PRKAR1B: variants seen among roughly 807,000 people sequenced by gnomAD.
PRKAR1B encodes protein kinase cAMP-dependent type I regulatory subunit beta.
In PRKAR1B, 22 loss-of-function variants were observed where a neutral mutation model predicts 46.5. The observed-to-expected ratio is 0.47, with a 90% CI of 0.34 to 0.68. The LOEUF is 0.68. Among genes scored for constraint, PRKAR1B ranks in the 30% least tolerant of loss-of-function variants. The probability of loss-of-function intolerance (pLI) is 0.01; values close to 1 mark genes in which losing one functional copy is unlikely to be tolerated. For missense variants in PRKAR1B, 445 were observed against 535.6 expected, an observed-to-expected ratio of 0.83 and a Z score of 1.67; for synonymous variants, 259 against 217.7, an observed-to-expected ratio of 1.19 and a Z score of -1.67.
intron 4 of PRKAR1B, among the ~76,000 whole-genome samples, chr7:628,504 G>C (rs1366504562): frequency 1.3e-5 from 2 of 152,254 alleles, no homozygotes; most frequent in Non-Finnish European, 2.9e-5. Flanking sequence ...CATCAAACCG[G>C]GTTGCCGGGC....
chr7:608,800 T>G (rs1313323347), intron 4 of PRKAR1B, among the ~76,000 whole-genome samples: 8 of 59,292 alleles, frequency 1.3e-4, no homozygotes, highest in Admixed American at 2.9e-4. Context: ...GGGGTCAGTG[T>G]GTGGCAGGGC....
Position 727,246 on chromosome 7 carries a change from C to T in PRKAR1B, c.-59G>A, listed in dbSNP as rs1376001457. 79 of 1,348,654 alleles carry T rather than the reference C, an allele frequency of 5.9e-5. No individual in the cohort carries two copies. Among genetic ancestry groups the T allele is most frequent in the Non-Finnish European group, 7.5e-5 (79 of 1,053,252 alleles). The allele number at this position is 1,348,654 out of a possible 1,614,324, so 83.5% of individuals were successfully genotyped here. ...TCTGCGCGCGCTGCGCTGCTCCCTG[C>T]TCGACCCCTTCGCCGCCGTGCGCCG... On this transcript the variant is annotated 5_prime_UTR_variant, in exon 1 of 11. Coordinates refer to ENST00000537384, the MANE Select transcript of PRKAR1B (RefSeq NM_001164760.2).
At chr7:561,789 AGCTTCCGTGGGAAACAAGCCGTTCCCGC>A (rs1562520001) in intron 9 of PRKAR1B, among the ~76,000 whole-genome samples, 1 of 152,246 alleles carries the variant, frequency 6.6e-6, no homozygotes, top group East Asian at 1.9e-4. Context: ...ACGGCCCAGC[AGCTTCCGTGGGAAACAAGCCGTTCCCGC>A]GGACGTCGGC....
chr7:615,379 C>G (rs1049530056), intron 4 of PRKAR1B, among the ~76,000 whole-genome samples: 2 of 147,496 alleles, frequency 1.4e-5, no homozygotes, highest in Non-Finnish European at 3.0e-5. Flanking sequence ...GAGCGGAGAT[C>G]GCGCCACTGC....
At chr7:659,453 A>T (rs1013005623) in intron 4 of PRKAR1B, among the ~76,000 whole-genome samples, 5 of 152,088 alleles carry the variant, frequency 3.3e-5, no homozygotes, top group African/African-American at 1.2e-4. Context: ...CGAAAGGGGG[A>T]GAGGAGGGCA....
chr7:640,994 C>A (rs1361855870), intron 4 of PRKAR1B, among the ~76,000 whole-genome samples: 1 of 152,032 alleles, frequency 6.6e-6, no homozygotes. Context: ...CACTCTGTCG[C>A]CCAGGCTGGA....
chr7:672,798 C>T (rs996344824), intron 4 of PRKAR1B, among the ~76,000 whole-genome samples: 2 of 151,848 alleles, frequency 1.3e-5, no homozygotes, highest in Non-Finnish European at 1.5e-5. Flanking sequence ...AACCCGGAGG[C>T]GGACATTGCA....
chr7:656,569 T>A (rs1322059924), intron 4 of PRKAR1B, among the ~76,000 whole-genome samples: 1 of 150,680 alleles, frequency 6.6e-6, no homozygotes, highest in Non-Finnish European at 1.5e-5. Context: ...GATGGATGGA[T>A]GGATGGATGA....
intron 9 of PRKAR1B, 118 bp downstream of exon 9, chr7:579,138 G>A (rs1189926303): frequency 1.3e-6 from 2 of 1,584,870 alleles, no homozygotes; most frequent in African/African-American, 2.7e-5. Context: ...CGGGCGTGCG[G>A]TCACAGGGCA....
chr7:727,969 C>T (rs1005237029), upstream of PRKAR1B, among the ~76,000 whole-genome samples: 1 of 151,690 alleles, frequency 6.6e-6, no homozygotes, highest in Admixed American at 6.6e-5. Context: ...GGACTTGCAC[C>T]TGGTTGAGGG....
At chr7:703,572 C>T (rs1780168964) in intron 2 of PRKAR1B, among the ~76,000 whole-genome samples, 7 of 151,466 alleles carry the variant, frequency 4.6e-5, no homozygotes, top group Admixed American at 3.3e-4. Flanking sequence ...AGGAGAATGG[C>T]ACGAACCCGG....
intron 9 of PRKAR1B, among the ~76,000 whole-genome samples, chr7:576,400 T>C (rs1779836093): frequency 6.6e-6 from 1 of 152,196 alleles, no homozygotes; most frequent in Non-Finnish European, 1.5e-5. Flanking sequence ...GAACGAGTCC[T>C]CTACTCTACC....
At chr7:727,431 C>T (rs866990454), upstream of PRKAR1B, 8,812 of 429,172 alleles carry the variant, frequency 0.021, 167 homozygotes, top group Non-Finnish European at 0.026. Context: ...CACGCCCGCA[C>T]CCCCCAACAT....
intron 8 of PRKAR1B, among the ~76,000 whole-genome samples, chr7:580,276 G>C (rs984609680): frequency 6.6e-6 from 1 of 151,460 alleles, no homozygotes; most frequent in Admixed American, 6.6e-5. Flanking sequence ...AAAACTGGCC[G>C]GGTGCAGTGG....
Position 711,547 on chromosome 7 carries a change from A to C in PRKAR1B, c.-22-20T>G. On this transcript the variant is annotated intron_variant, in intron 1 of 10. Coordinates refer to ENST00000537384, the MANE Select transcript of PRKAR1B (RefSeq NM_001164760.2). ...TCCTTCCTGTCCAGAAAACACACAG[A>C]TCCCCAGGCCTGAGAGCTGCCCGGG... The C allele has an allele frequency of 6.2e-7, 1 of 1,603,932 alleles. No individual in the cohort carries two copies. Among genetic ancestry groups the C allele is most frequent in the Non-Finnish European group, 8.5e-7 (1 of 1,173,820 alleles).
chr7:631,366 G>A (rs1033518540), intron 4 of PRKAR1B, among the ~76,000 whole-genome samples: 24 of 152,210 alleles, frequency 1.6e-4, no homozygotes, highest in East Asian at 1.2e-3. Context: ...TTACAGATAC[G>A]GCACCCTCAG....
At chr7:661,110 C>T (rs567133457) in intron 4 of PRKAR1B, among the ~76,000 whole-genome samples, 1 of 27,468 alleles carries the variant, frequency 3.6e-5, no homozygotes, top group Non-Finnish European at 7.4e-5. Context: ...TACTCTCCCC[C>T]CCATGGGACA....
chr7:606,773 T>C (rs1782090899), intron 5 of PRKAR1B, among the ~76,000 whole-genome samples: 1 of 150,588 alleles, frequency 6.6e-6, no homozygotes, highest in African/African-American at 2.5e-5. Context: ...TATGCGTGTG[T>C]GTGTGTGTGT....
chr7:718,259 C>T (rs1382481263), intron 1 of PRKAR1B, among the ~76,000 whole-genome samples: 3 of 7,458 alleles, frequency 4.0e-4, no homozygotes, highest in African/African-American at 7.4e-4. Flanking sequence ...TATAGATACA[C>T]ACACACACAC....
Sources: gnomAD v4.1 joint callset for allele counts (sites outside exome capture counted in the v4.1 genomes callset) on GRCh38, gnomAD v4.1.1 for gene constraint, MANE v1.5 for transcripts, NCBI Gene and HGNC (gene_info 2026-07-23, HGNC 2026-07-21) for gene names.